The following MED12L variants were observed in gnomAD, a reference collection of about 807,000 sequenced individuals.
The protein encoded by MED12L is mediator of RNA polymerase II transcription subunit 12-like protein.
In MED12L, 60 loss-of-function variants were observed where a neutral mutation model predicts 281.3. That is an observed-to-expected ratio of 0.21 (90% CI 0.17 to 0.26). The LOEUF (loss-of-function observed/expected upper bound fraction) is 0.26. Ranked by LOEUF, MED12L falls within the 10% of genes least tolerant of loss-of-function variation. The pLI, the probability that MED12L is intolerant of heterozygous loss-of-function variation, is 1.00. For missense variants in MED12L, 2,146 were observed against 2,680.9 expected (o/e 0.80, Z 4.41); for synonymous variants, 974 against 987.2 (o/e 0.99, Z 0.25).
intron 16 of MED12L, among the ~76,000 whole-genome samples, chr3:151,296,257 A>G (rs929935957): frequency 1.3e-5 from 2 of 152,196 alleles, no homozygotes; most frequent in Non-Finnish European, 2.9e-5. Context: ...GACCTGTACC[A>G]TATCACTGCA....
chr3:151,385,958 G>A (rs1713275219), intron 36 of MED12L, among the ~76,000 whole-genome samples: 1 of 152,082 alleles, frequency 6.6e-6, no homozygotes, highest in South Asian at 2.1e-4. Context: ...CCCTCAAGGG[G>A]GAAGTAGACA....
chr3:151,201,649 G>A (rs568107221), intron 16 of MED12L, among the ~76,000 whole-genome samples: 1 of 152,284 alleles, frequency 6.6e-6, no homozygotes, highest in East Asian at 1.9e-4. Context: ...TTATTCCAGA[G>A]CTTTAAGGAA....
chr3:151,167,362 T>TTAAG (rs1720854843), intron 11 of MED12L, among the ~76,000 whole-genome samples: 1 of 152,102 alleles, frequency 6.6e-6, no homozygotes, highest in Admixed American at 6.6e-5. Flanking sequence ...GACTGCAGAG[T>TTAAG]TAAGTTTTAA....
rs1430012102 is a variant in MED12L, at chr3:151,394,695, C to G, written c.5648C>G (p.Thr1883Ser). The change falls in exon 39 of 45, where the codon ACC becomes AGC. Residue 1883 changes from threonine (T) to serine (S), a missense_variant. Around this residue, in one of 9 missense-constraint regions of MED12L, gnomAD observed 496 missense variants for 512.0 expected, o/e 0.97. Coordinates refer to ENST00000687756, the MANE Select transcript of MED12L (RefSeq NM_001393769.1). The part of the protein sequence containing the change: ...RLDPAGSFVP[T>S]NTKQALSNML... ...GACCCTGCAGGCTCCTTTGTCCCAA[C>G]CAACACCAAACAAGCTCTGTCAAAC... The G allele has an allele frequency of 1.9e-6, 3 of 1,614,156 alleles. No homozygotes were observed. In the South Asian group the frequency reaches 3.3e-5, roughly 18 times the overall value.
intron 16 of MED12L, among the ~76,000 whole-genome samples, chr3:151,324,371 C>A (rs1749336872): frequency 6.6e-6 from 1 of 152,088 alleles, no homozygotes; most frequent in Non-Finnish European, 1.5e-5. Context: ...ACTACCCACA[C>A]AGAAACGTAT....
chr3:151,186,507 GTACTTC>G (rs1022895329), intron 12 of MED12L, among the ~76,000 whole-genome samples: 10 of 152,004 alleles, frequency 6.6e-5, no homozygotes, highest in African/African-American at 2.4e-4. Flanking sequence ...ATTCACCTTG[GTACTTC>G]TACTCCTTCA....
In MED12L at chr3:151,328,126, A is replaced by G. The variant is rs530005889; in HGVS notation, c.2251-21933A>G. The G allele has an allele frequency of 1.9e-6, 3 of 1,613,056 alleles. No homozygotes were observed. The African/African-American group carries it at 4.0e-5, about 22-fold the overall frequency. On this transcript the variant is annotated intron_variant, in intron 16 of 44. Transcript: ENST00000687756. ...ATATGTATATTAAGGGATCCATACA[A>G]ATGTTAGTTGCTGCCAAAAAGAGAG...
intron 12 of MED12L, among the ~76,000 whole-genome samples, chr3:151,187,069 C>T (rs901971252): frequency 1.3e-5 from 2 of 152,146 alleles, no homozygotes; most frequent in Non-Finnish European, 2.9e-5. Flanking sequence ...GTTGTATTCA[C>T]CAAAAACGAA....
chr3:151,388,283 A>G, intron 37 of MED12L, 111 bp downstream of exon 37: 1 of 1,347,448 alleles, frequency 7.4e-7, no homozygotes, highest in Non-Finnish European at 1.0e-6. Flanking sequence ...AAGTTTTGTT[A>G]TGACAGTTCT....
chr3:151,213,416 G>T (rs202190979), intron 16 of MED12L: 13 of 1,614,032 alleles, frequency 8.1e-6, no homozygotes, highest in African/African-American at 8.0e-5. Flanking sequence ...TCCCTAAACG[G>T]CTGGCATAGA....
intron 16 of MED12L, among the ~76,000 whole-genome samples, chr3:151,298,605 C>T (rs186716754): frequency 2.6e-5 from 4 of 152,262 alleles, no homozygotes; most frequent in East Asian, 1.9e-4. Flanking sequence ...AGTGACATAA[C>T]TCAGTTTACT....
At chr3:151,225,809 G>A (rs1232048720) in intron 16 of MED12L, among the ~76,000 whole-genome samples, 1 of 152,112 alleles carries the variant, frequency 6.6e-6, no homozygotes, top group Non-Finnish European at 1.5e-5. Flanking sequence ...CTTCTCAGAA[G>A]CTGTCAGGGA....
In MED12L at chr3:151,205,936, G is replaced by T. The variant is rs573309214; in HGVS notation, c.2250+12270G>T. ...TTTCAGCCTCTGGAATGTGAATTTG[G>T]GACGCTCTTACATCAAAATAATTTA... On this transcript the variant is annotated intron_variant, in intron 16 of 44. Coordinates refer to ENST00000687756, the MANE Select transcript of MED12L (RefSeq NM_001393769.1). 2.0e-5 allele frequency among the ~76,000 whole-genome samples: 3 copies of T among 152,028 alleles called. No individual in the cohort carries two copies. In the East Asian group the frequency reaches 5.8e-4, roughly 29 times the overall value.
intron 16 of MED12L, among the ~76,000 whole-genome samples, chr3:151,194,040 A>C (rs9917742): frequency 0.02 from 2,775 of 141,578 alleles, 83 homozygotes; most frequent in African/African-American, 0.069. Flanking sequence ...ATCTTGACTC[A>C]CCACAACCTC....
chr3:151,324,819 G>A (rs1350689384), intron 16 of MED12L, among the ~76,000 whole-genome samples: 1 of 152,138 alleles, frequency 6.6e-6, no homozygotes, highest in Admixed American at 6.5e-5. Flanking sequence ...TGGTTTCTAT[G>A]TAAAATTTCA....
intron 16 of MED12L, among the ~76,000 whole-genome samples, chr3:151,332,656 A>G (rs1428657296): frequency 1.3e-5 from 2 of 152,190 alleles, no homozygotes; most frequent in East Asian, 3.8e-4. Flanking sequence ...ATACATACCA[A>G]TATATGTGTA....
chr3:151,247,927 A>C (rs1312685878), intron 16 of MED12L, among the ~76,000 whole-genome samples: 1 of 100,474 alleles, frequency 1.0e-5, no homozygotes, highest in African/African-American at 3.7e-5. Flanking sequence ...TTTTAAAAAG[A>C]TTTTCTTTTG....
intron 5 of MED12L, among the ~76,000 whole-genome samples, chr3:151,133,714 A>G (rs765770747): frequency 1.3e-5 from 2 of 152,136 alleles, no homozygotes; most frequent in African/African-American, 2.4e-5. Context: ...GGTTTCAGAT[A>G]TTTTTAGAGT....
intron 43 of MED12L, among the ~76,000 whole-genome samples, chr3:151,423,962 A>G (rs1718568633): frequency 6.6e-6 from 1 of 152,252 alleles, no homozygotes; most frequent in Non-Finnish European, 1.5e-5. Flanking sequence ...TGGTAGCAGT[A>G]GTTACTTAAT....
Sources: gnomAD v4.1 joint callset for allele counts (sites outside exome capture counted in the v4.1 genomes callset) on GRCh38, gnomAD v4.1.1 for gene constraint, gnomAD v4.1.1 regional missense constraint, MANE v1.5 for transcripts, NCBI Gene and HGNC (gene_info 2026-07-23, HGNC 2026-07-21) for gene names.